Variants in TMEM161A observed in about 807,000 individuals in gnomAD.
The protein encoded by TMEM161A is adaptive response to oxidative stress protein 29.
In TMEM161A, 46 loss-of-function variants were observed where a neutral mutation model predicts 57.1. The ratio of observed to expected loss-of-function variants is 0.81; its 90% CI spans 0.64 to 1.03. TMEM161A has a LOEUF of 1.03. Among genes scored for constraint, TMEM161A ranks in the 50% least tolerant of loss-of-function variants. The pLI is 0.00. For synonymous variants in TMEM161A, 288 were observed against 279.0 expected (o/e 1.03, Z -0.32); for missense variants, 601 against 621.5 (o/e 0.97, Z 0.35).
intron 6 of TMEM161A, among the ~76,000 whole-genome samples, chr19:19,125,661 C>T (rs1281949294): frequency 5.3e-5 from 8 of 151,764 alleles, no homozygotes; most frequent in Non-Finnish European, 1.0e-4. Flanking sequence ...GGACTACAGG[C>T]GCCTGCCACC....
chr19:19,120,121 C>T lies in TMEM161A; in HGVS notation c.1249G>A (p.Ala417Thr), dbSNP rs372352382. The change falls in exon 12 of 12, where the codon GCT becomes ACT. Residue 417 changes from alanine (A) to threonine (T), a missense_variant. By Grantham distance (58) the Ala-to-Thr change is moderately conservative. Coordinates refer to ENST00000162044, the MANE Select transcript of TMEM161A (RefSeq NM_017814.3). ...TCCTCCCCAGAGCCGATGGGGGCAG[C>T]GCTGGCTGAGGATGGGTCGGGGGAT... ...LLSPDPSSAS[A>T]APIGSGEDEV... is the part of the protein sequence containing the mutation. 4.3e-5 allele frequency: 68 copies of T among 1,567,982 alleles called. No individual in the cohort carries two copies. Among genetic ancestry groups the T allele is most frequent in the Non-Finnish European group, 5.4e-5 (62 of 1,156,720 alleles).
chr19:19,124,076 A>G (rs1466075755), intron 6 of TMEM161A, among the ~76,000 whole-genome samples: 2 of 152,242 alleles, frequency 1.3e-5, no homozygotes, highest in African/African-American at 2.4e-5. Flanking sequence ...AAGTAGTATT[A>G]GAAGACAGAA....
In TMEM161A at chr19:19,119,561, C is replaced by T. The variant is rs557636182; in HGVS notation, c.*369G>A. On this transcript the variant is annotated 3_prime_UTR_variant, in exon 12 of 12. Transcript: ENST00000162044. Reference sequence around the variant, plus strand: ...TGCACCCGGGCAGGTGCCACAGGGACGTGCAAGACAGCTACCACCCTGCAC... The same window carrying T: ...TGCACCCGGGCAGGTGCCACAGGGATGTGCAAGACAGCTACCACCCTGCAC... 5 of 238,518 alleles carry T rather than the reference C, an allele frequency of 2.1e-5. No individual in the cohort carries two copies. The highest frequency in any genetic ancestry group is 2.2e-5 in the African/African-American group (1 of 45,540). The allele number at this position is 238,518 out of a possible 1,614,324, so 14.8% of individuals were successfully genotyped here.
At position 19,121,857 on chromosome 19, in the gene TMEM161A, C is replaced by A; in HGVS notation, c.596-38G>T. On this transcript the variant is annotated intron_variant, in intron 6 of 11. Coordinates refer to ENST00000162044, the MANE Select transcript of TMEM161A (RefSeq NM_017814.3). The surrounding 1 kb of genome is among the most constrained non-coding windows in gnomAD (Gnocchi z 5.8). ...AGAAGAGGACCGAGTAGAGTGAATTCCTAGGGTCTCTAAGGCCACTCTGTT... is the reference window on the plus strand; with the variant it reads ...AGAAGAGGACCGAGTAGAGTGAATTACTAGGGTCTCTAAGGCCACTCTGTT... 1 of 1,609,606 alleles carries A rather than the reference C, an allele frequency of 6.2e-7. No individual in the cohort carries two copies. The highest frequency in any genetic ancestry group is 8.5e-7 in the Non-Finnish European group (1 of 1,177,934).
At position 19,132,382 on chromosome 19, in the gene TMEM161A, A is replaced by C; in HGVS notation, c.413T>G (p.Phe138Cys). The C allele has an allele frequency of 6.2e-7, 1 of 1,614,074 alleles. No individual in the cohort carries two copies. Among genetic ancestry groups the C allele is most frequent in the Middle Eastern group, 1.7e-4 (1 of 6,060 alleles). The change falls in exon 5 of 12, where the codon TTC (phenylalanine) becomes TGC (cysteine). Residue 138 changes from phenylalanine to cysteine, a missense_variant. Coordinates refer to ENST00000162044, the MANE Select transcript of TMEM161A (RefSeq NM_017814.3). The surrounding 1 kb of genome is among the most constrained non-coding windows in gnomAD (Gnocchi z 4.3). ...GAAGGTCACCGTGAGCAGGCACCAGAACACAGCAATGTTAGTCTCCTTGGC... is the reference window on the plus strand; with the variant it reads ...GAAGGTCACCGTGAGCAGGCACCAGCACACAGCAATGTTAGTCTCCTTGGC... ...GPAKETNIAV[F>C]WCLLTVTFSI...
intron 5 of TMEM161A, among the ~76,000 whole-genome samples, chr19:19,131,522 AC>A: frequency 6.6e-6 from 1 of 151,796 alleles, no homozygotes; most frequent in South Asian, 2.1e-4. Context: ...ACACACACAC[AC>A]ACACACACAA....
At chr19:19,131,505 TATACACAC>T (rs1486333784) in intron 5 of TMEM161A, among the ~76,000 whole-genome samples, 1 of 101,930 alleles carries the variant, frequency 9.8e-6, no homozygotes, top group East Asian at 2.5e-4. Context: ...TATATATATA[TATACACAC>T]ACACACACAC....
At position 19,121,907 on chromosome 19, in the gene TMEM161A, T is replaced by A; in HGVS notation, c.596-88A>T. The A allele has an allele frequency of 2.1e-6, 3 of 1,437,706 alleles. No homozygotes were observed. The highest frequency in any genetic ancestry group is 2.4e-5 in the South Asian group (2 of 82,076). The allele number at this position is 1,437,706 out of a possible 1,614,324, so 89.1% of individuals were successfully genotyped here. ...TCCCTAACCCCCCATCCCTCAGGCA[T>A]CCGTTTGCTTCCCAAGTAGGAATGA... is the stretch of plus-strand genomic sequence containing the variant. On this transcript the variant is annotated intron_variant, in intron 6 of 11. Transcript: ENST00000162044. The surrounding 1 kb of genome is among the most constrained non-coding windows in gnomAD (Gnocchi z 5.8).
At chr19:19,120,547 C>T (rs1269361614) in intron 11 of TMEM161A, among the ~76,000 whole-genome samples, 1 of 152,018 alleles carries the variant, frequency 6.6e-6, no homozygotes, top group East Asian at 1.9e-4. Flanking sequence ...GGCCCCGCCT[C>T]CTGCTCAGAT....
chr19:19,120,956 G>A (rs1180594224), intron 10 of TMEM161A, 36 bp downstream of exon 10: 10 of 1,608,808 alleles, frequency 6.2e-6, no homozygotes, highest in Non-Finnish European at 8.5e-6. Flanking sequence ...CTGAGCCCCA[G>A]GTTCCCTCTG....
At chr19:19,126,069 C>G (rs1344400239) in intron 6 of TMEM161A, among the ~76,000 whole-genome samples, 4 of 150,488 alleles carry the variant, frequency 2.7e-5, no homozygotes, top group African/African-American at 9.8e-5. Context: ...AGTTCAAGAC[C>G]AGCCTGGTCA....
intron 6 of TMEM161A, among the ~76,000 whole-genome samples, chr19:19,125,696 T>G (rs1050228039): frequency 6.6e-6 from 1 of 151,886 alleles, no homozygotes; most frequent in Non-Finnish European, 1.5e-5. Flanking sequence ...TTTTGTATTT[T>G]TAGTAGAGAC....
chr19:19,129,233 T>C (rs1472775936), intron 6 of TMEM161A, among the ~76,000 whole-genome samples: 1 of 152,182 alleles, frequency 6.6e-6, no homozygotes, highest in Non-Finnish European at 1.5e-5. Flanking sequence ...CAGGTACTCA[T>C]ATGATTATTT....
chr19:19,126,655 A>G (rs1370936543), intron 6 of TMEM161A, among the ~76,000 whole-genome samples: 7 of 152,070 alleles, frequency 4.6e-5, no homozygotes, highest in Non-Finnish European at 8.8e-5. Context: ...GGATCACCTG[A>G]GGTCAGGAGT....
intron 1 of TMEM161A, 83 bp from the exon 2 acceptor site, chr19:19,134,970 A>C (rs1449064356): frequency 1.0e-6 from 1 of 1,003,780 alleles, no homozygotes; most frequent in Non-Finnish European, 1.5e-6. Flanking sequence ...CTATTTATAG[A>C]GAAGTCAGGC....
At chr19:19,125,573 G>A (rs1335218381) in intron 6 of TMEM161A, among the ~76,000 whole-genome samples, 1 of 147,472 alleles carries the variant, frequency 6.8e-6, no homozygotes, top group Non-Finnish European at 1.5e-5. Context: ...CTGGAGTGCA[G>A]TGGCGCGATC....
rs200745746 is a variant in TMEM161A, at chr19:19,122,225, C to T, written c.596-406G>A. 5.6e-4 allele frequency among the ~76,000 whole-genome samples: 86 copies of T among 152,234 alleles called. 1 individual carries two copies. The East Asian group carries it at 0.011, about 19-fold the overall frequency. Reference sequence around the variant, plus strand: ...AGGAGAATCGCTTGAACATGGGGAGCGGAGGTTGCAGTGAGCTGAGACCGC... The same window carrying T: ...AGGAGAATCGCTTGAACATGGGGAGTGGAGGTTGCAGTGAGCTGAGACCGC... On this transcript the variant is annotated intron_variant, in intron 6 of 11. Coordinates refer to ENST00000162044, the MANE Select transcript of TMEM161A (RefSeq NM_017814.3).
At chr19:19,134,752 CG>C in intron 2 of TMEM161A, 31 bp downstream of exon 2, 1 of 1,504,852 alleles carries the variant, frequency 6.6e-7, no homozygotes, top group Non-Finnish European at 9.0e-7. Flanking sequence ...CGTGACTCCG[CG>C]GGCCCCTCCC....
chr19:19,130,241 G>T lies in TMEM161A; in HGVS notation c.510C>A (p.Cys170Ter), dbSNP rs762198710. The T allele has an allele frequency of 6.2e-7, 1 of 1,613,950 alleles. No individual in the cohort carries two copies. The highest frequency in any genetic ancestry group is 1.1e-5 in the South Asian group (1 of 91,086). ...SAEEGGERSV[C>*]LTFAFLFLLL... ...GCAGGAAGAGGAAGGCAAAGGTGAG[G>T]CAGACAGAGCGCTCACCCCCCTCCT... The change falls in exon 6 of 12, where the codon TGC becomes TGA. Residue 170 changes from cysteine (C) to a stop codon, truncating the protein, a stop_gained. Transcript: ENST00000162044. LOFTEE classifies it high-confidence loss of function.
Sources: allele counts gnomAD v4.1 joint callset (sites outside exome capture counted in the v4.1 genomes callset), GRCh38; gene constraint gnomAD v4.1.1; non-coding constraint Gnocchi (gnomAD v3.1); transcripts MANE v1.5; gene names NCBI Gene and HGNC (gene_info 2026-07-23, HGNC 2026-07-21).